The following GPR37L1 variants were observed in gnomAD, a reference collection of about 807,000 sequenced individuals.
GPR37L1 encodes the protein G protein-coupled receptor 37 like 1, also known as G protein-coupled receptor 37-like 1.
Under a neutral mutation model 18.0 loss-of-function variants are expected in GPR37L1, and 18 were observed. The ratio of observed to expected loss-of-function variants is 1.00; its 90% CI spans 0.69 to 1.49. GPR37L1 has a LOEUF of 1.49. Among genes scored for constraint, GPR37L1 ranks in the 40% most tolerant of loss-of-function variants. GPR37L1 has a pLI of 0.00. For synonymous variants in GPR37L1, 256 were observed against 273.9 expected (o/e 0.93, Z 0.65); for missense variants, 558 against 615.1 (o/e 0.91, Z 0.98).
rs550872534 is a variant in GPR37L1 at position 202,125,059 on chromosome 1, G to T, written c.630+1466G>T. 2.7e-5 allele frequency among the ~76,000 whole-genome samples: 4 copies of T among 150,820 alleles called. No individual in the cohort carries two copies. The South Asian group carries it at 8.4e-4, about 32-fold the overall frequency. On this transcript the variant is annotated intron_variant, in intron 1 of 1. Coordinates refer to ENST00000367282, the MANE Select transcript of GPR37L1 (RefSeq NM_004767.5). ...ACGCACCTGCAGTCCCAGGTACTCA[G>T]GAGGCTGAGGCAGGAGAATCGCTTG... is the stretch of plus-strand genomic sequence containing the variant.
chr1:202,125,875 C>T (rs1013875790), intron 1 of GPR37L1, among the ~76,000 whole-genome samples: 1 of 152,168 alleles, frequency 6.6e-6, no homozygotes, highest in East Asian at 1.9e-4. Flanking sequence ...GCGTGTGGTA[C>T]CACGCCCGGC....
Position 202,123,755 on chromosome 1 carries a change from G to A in GPR37L1, c.630+162G>A, listed in dbSNP as rs116244850. 2.3e-3 allele frequency among the ~76,000 whole-genome samples: 352 copies of A among 152,234 alleles called. 3 individuals are homozygous for A. The highest frequency in any genetic ancestry group is 7.9e-3 in the African/African-American group (330 of 41,526). On this transcript the variant is annotated intron_variant, in intron 1 of 1. Transcript: ENST00000367282. ...TTACCTTGGAGAAGGAGACAAATACGGTATTGGTTTCTGGTTGCTCTCAAG... is the reference window on the plus strand; with the variant it reads ...TTACCTTGGAGAAGGAGACAAATACAGTATTGGTTTCTGGTTGCTCTCAAG...
rs114440176 is a variant in GPR37L1, at chr1:202,128,160, C to T, written c.1050C>T (p.His350=). Residue 350 remains histidine, a synonymous_variant, in exon 2 of 2, where the codon CAC becomes CAT. Coordinates refer to ENST00000367282, the MANE Select transcript of GPR37L1 (RefSeq NM_004767.5). ...AGTCAGAGTGCAGGGCCAGCAAGCA[C>T]GAGCAGTGTGAGAGCCAGCTCAACA... ...GRKSECRASK[H]EQCESQLNST... 8.1e-6 allele frequency: 13 copies of T among 1,614,016 alleles called. No individual in the cohort carries two copies. Among genetic ancestry groups the T allele is most frequent in the Admixed American group, 6.7e-5 (4 of 60,016 alleles).
chr1:202,128,220 C>T lies in GPR37L1; in HGVS notation c.1110C>T (p.Phe370=). 1 of 1,613,996 alleles carries T rather than the reference C, an allele frequency of 6.2e-7. No individual in the cohort carries two copies. Among genetic ancestry groups the T allele is most frequent in the Non-Finnish European group, 8.5e-7 (1 of 1,180,030 alleles). Residue 370 remains phenylalanine (F), a synonymous_variant, in exon 2 of 2, where the codon TTC becomes TTT. Transcript: ENST00000367282. The stretch of plus-strand genomic sequence containing the variant: ...TGGGCCTGACCGTGGTCTACGCCTT[C>T]TGCACCCTCCCAGAGAACGTCTGCA... ...TVVGLTVVYA[F]CTLPENVCNI... is the part of the protein sequence containing the mutation.
intron 1 of GPR37L1, among the ~76,000 whole-genome samples, chr1:202,124,851 T>A (rs903785229): frequency 6.6e-6 from 1 of 152,122 alleles, no homozygotes; most frequent in Non-Finnish European, 1.5e-5. Flanking sequence ...CTAACAGTGG[T>A]ACAAAGTTAC....
At position 202,123,232 on chromosome 1, in the gene GPR37L1, G is replaced by A. The variant is rs3795595; in HGVS notation, c.269G>A (p.Gly90Asp). The A allele has an allele frequency of 0.89, 1,443,359 of 1,613,794 alleles. 646,587 individuals carry two copies. Among genetic ancestry groups the A allele is most frequent in the South Asian group, 0.92 (83,787 of 91,084 alleles). Reference protein sequence around the residue: ...KPLVATSPNPGKDGGTPDSGQ... With the variant: ...KPLVATSPNPDKDGGTPDSGQ... ...TTGGTGGCCACCAGCCCTAACCCCGGCAAGGATGGGGGCACCCCAGACAGT... is the reference window on the plus strand; with the variant it reads ...TTGGTGGCCACCAGCCCTAACCCCGACAAGGATGGGGGCACCCCAGACAGT... The change falls in exon 1 of 2, where the codon GGC becomes GAC. Residue 90 changes from glycine to aspartate, a missense_variant. Gly to Asp is a moderately conservative substitution (Grantham distance 94, BLOSUM62 -1). Coordinates refer to ENST00000367282, the MANE Select transcript of GPR37L1 (RefSeq NM_004767.5).
chr1:202,123,281 G>A lies in GPR37L1; in HGVS notation c.318G>A (p.Leu106=), dbSNP rs751396143. 1.2e-6 allele frequency: 2 copies of A among 1,614,040 alleles called. No homozygotes were observed. Among genetic ancestry groups the A allele is most frequent in the South Asian group, 1.1e-5 (1 of 91,078 alleles). Residue 106 remains leucine (L), a synonymous_variant, in exon 1 of 2, where the codon CTG becomes CTA. Coordinates refer to ENST00000367282, the MANE Select transcript of GPR37L1 (RefSeq NM_004767.5). ...PDSGQELRGN[L]TGAPGQRLQI... ...GTGGGCAGGAACTGAGGGGCAATCT[G>A]ACAGGAGCACCAGGGCAGAGGCTAC...
Position 202,130,962 on chromosome 1 carries a change from C to T in GPR37L1, c.*2406C>T, listed in dbSNP as rs79703362. The T allele has an allele frequency of 0.068, 10,340 of 152,318 alleles. 673 individuals are homozygous for T. Among genetic ancestry groups the T allele is most frequent in the African/African-American group, 0.16 (6,742 of 41,544 alleles). The allele number at this position is 152,318 out of a possible 1,614,324, so 9.4% of individuals were successfully genotyped here. The stretch of plus-strand genomic sequence containing the variant: ...GGGGAGAGATGGTGGCTCCAAGGCT[C>T]TGCCACCGCCACCTCCCAAGCCTGC... On this transcript the variant is annotated 3_prime_UTR_variant, in exon 2 of 2. Transcript: ENST00000367282.
chr1:202,124,754 C>T (rs917551907), intron 1 of GPR37L1, among the ~76,000 whole-genome samples: 1 of 152,182 alleles, frequency 6.6e-6, no homozygotes, highest in Non-Finnish European at 1.5e-5. Context: ...CACCATGTAA[C>T]AATGATGATG....
In GPR37L1 at chr1:202,128,260, T is replaced by C; in HGVS notation, c.1150T>C (p.Tyr384His). ...PENVCNIVVA[Y>H]LSTELTRQTL... Reference sequence around the variant, plus strand: ...GAACGTCTGCAACATCGTGGTGGCCTACCTCTCCACCGAGCTGACCCGCCA... The same window carrying C: ...GAACGTCTGCAACATCGTGGTGGCCCACCTCTCCACCGAGCTGACCCGCCA... The change falls in exon 2 of 2, where the codon TAC becomes CAC. Residue 384 changes from tyrosine to histidine, a missense_variant. Coordinates refer to ENST00000367282, the MANE Select transcript of GPR37L1 (RefSeq NM_004767.5). The C allele has an allele frequency of 6.2e-7, 1 of 1,614,010 alleles. No individual in the cohort carries two copies. The highest frequency in any genetic ancestry group is 2.2e-5 in the East Asian group (1 of 44,870).
rs1394505720 is a variant in GPR37L1 at position 202,130,589 on chromosome 1, C to T, written c.*2033C>T. 1 of 152,278 alleles carries T rather than the reference C, an allele frequency of 6.6e-6. No homozygotes were observed. The highest frequency in any genetic ancestry group is 1.5e-5 in the Non-Finnish European group (1 of 68,070). 9.4% of individuals were successfully genotyped at this position (152,278 alleles called of 1,614,324 possible). A position where few individuals can be genotyped will look rare whatever the true frequency, so the allele number is the denominator to read the frequency against. ...ACCCTTTGTGCTGGGGAGTGACACC[C>T]ACCCGTTTCTCAGCAGACCTGTTGC... is the stretch of plus-strand genomic sequence containing the variant. On this transcript the variant is annotated 3_prime_UTR_variant, in exon 2 of 2. Coordinates refer to ENST00000367282, the MANE Select transcript of GPR37L1 (RefSeq NM_004767.5).
intron 1 of GPR37L1, among the ~76,000 whole-genome samples, chr1:202,126,834 C>T (rs1209898018): frequency 3.1e-5 from 2 of 64,182 alleles, no homozygotes; most frequent in Non-Finnish European, 6.6e-5. Flanking sequence ...GGAGCAGAAA[C>T]GTGCGTGTGT....
intron 1 of GPR37L1, among the ~76,000 whole-genome samples, chr1:202,125,391 T>C (rs1360399722): frequency 2.6e-5 from 4 of 152,046 alleles, no homozygotes; most frequent in African/African-American, 9.7e-5. Context: ...ATAATAATAA[T>C]AGCTATCTGG....
At position 202,127,641 on chromosome 1, in the gene GPR37L1, A is replaced by G. The variant is rs889223812; in HGVS notation, c.631-100A>G. On this transcript the variant is annotated intron_variant, in intron 1 of 1. Transcript: ENST00000367282. ...CATTATTATAATTTCTATGCTTATC[A>G]CTCAATTCATGGTCTAACTGAGCCA... 13 of 810,288 alleles carry G rather than the reference A, an allele frequency of 1.6e-5. No homozygotes were observed. The African/African-American group carries it at 2.1e-4, about 13-fold the overall frequency. The allele number at this position is 810,288 out of a possible 1,614,324, so 50.2% of individuals were successfully genotyped here.
chr1:202,124,855 A>G (rs1304147019), intron 1 of GPR37L1, among the ~76,000 whole-genome samples: 1 of 152,148 alleles, frequency 6.6e-6, no homozygotes, highest in East Asian at 1.9e-4. Context: ...CAGTGGTACA[A>G]AGTTACTCCA....
rs770548727 is a variant in GPR37L1, at chr1:202,123,119, G to A, written c.156G>A (p.Glu52=). 8.1e-6 allele frequency: 13 copies of A among 1,613,614 alleles called. 1 individual carries two copies. The South Asian group carries it at 9.9e-5, about 12-fold the overall frequency. ...CCAAGAGGGGCACCGAGGATGAGGA[G>A]GCCAAGGGCGTGCAGCAGTATGTGC... ...SRSKRGTEDE[E]AKGVQQYVPE... The change falls in exon 1 of 2, where the codon GAG becomes GAA. Residue 52 remains glutamate, a synonymous_variant. Transcript: ENST00000367282.
At position 202,130,874 on chromosome 1, in the gene GPR37L1, C is replaced by T. The variant is rs1654832053; in HGVS notation, c.*2318C>T. 6.6e-6 allele frequency: 1 copy of T among 152,250 alleles called. No individual in the cohort carries two copies. The highest frequency in any genetic ancestry group is 2.4e-5 in the African/African-American group (1 of 41,444). 9.4% of individuals were successfully genotyped at this position (152,250 alleles called of 1,614,324 possible). A position where few individuals can be genotyped will look rare whatever the true frequency, so the allele number is the denominator to read the frequency against. ...ACCCCTCAACATCCTGTTTAGGGGT[C>T]CTCCTCCACAAAGGGTGCCCTCCAC... is the stretch of plus-strand genomic sequence containing the variant. On this transcript the variant is annotated 3_prime_UTR_variant, in exon 2 of 2. Coordinates refer to ENST00000367282, the MANE Select transcript of GPR37L1 (RefSeq NM_004767.5).
At chr1:202,126,572 A>T (rs1654664846) in intron 1 of GPR37L1, among the ~76,000 whole-genome samples, 1 of 152,116 alleles carries the variant, frequency 6.6e-6, no homozygotes, top group Non-Finnish European at 1.5e-5. Flanking sequence ...AGAGGGAAGA[A>T]TTTGGACAGG....
rs755462248 is a variant in GPR37L1 at position 202,122,999 on chromosome 1, T to C, written c.36T>C (p.Ala12=). The C allele has an allele frequency of 6.2e-7, 1 of 1,613,242 alleles. No homozygotes were observed. The highest frequency in any genetic ancestry group is 1.3e-5 in the African/African-American group (1 of 74,918). ...TGTGGCCCCTGGCTGTCTCTCTTGC[T>C]GTGATTTTGGCTGTGGGGCTAAGCA... ...RWLWPLAVSL[A]VILAVGLSRV... The change falls in exon 1 of 2, where the codon GCT becomes GCC. Residue 12 remains alanine, a synonymous_variant. Transcript: ENST00000367282.
Sources: allele counts gnomAD v4.1 joint callset (sites outside exome capture counted in the v4.1 genomes callset), GRCh38; gene constraint gnomAD v4.1.1; transcripts MANE v1.5; gene names NCBI Gene and HGNC (gene_info 2026-07-23, HGNC 2026-07-21).